The following SGMS1 variants were observed in gnomAD, a reference collection of about 807,000 sequenced individuals.
SGMS1 encodes phosphatidylcholine:ceramide cholinephosphotransferase 1.
In SGMS1, 13 loss-of-function variants were observed where a neutral mutation model predicts 46.2. The ratio of observed to expected loss-of-function variants is 0.28; its 90% CI spans 0.18 to 0.45. The LOEUF is 0.45. Ranked by LOEUF, SGMS1 falls within the 20% of genes least tolerant of loss-of-function variation. The pLI is 1.00. For missense variants in SGMS1, 324 were observed against 519.9 expected, an observed-to-expected ratio of 0.62 and a Z score of 3.66; for synonymous variants, 203 against 187.8, an observed-to-expected ratio of 1.08 and a Z score of -0.66.
At chr10:50,421,782 A>G (rs1849257901) in intron 6 of SGMS1, among the ~76,000 whole-genome samples, 1 of 152,060 alleles carries the variant, frequency 6.6e-6, no homozygotes, top group Admixed American at 6.6e-5. Context: ...GGGTCTAAAA[A>G]TTCTTAACTT....
chr10:50,464,403 C>T (rs1409430168), intron 4 of SGMS1, among the ~76,000 whole-genome samples: 2 of 152,154 alleles, frequency 1.3e-5, no homozygotes, highest in East Asian at 3.9e-4. Context: ...AGGTACTCTC[C>T]CCCAGAGCCT....
At chr10:50,471,098 G>A (rs1837374931) in intron 3 of SGMS1, among the ~76,000 whole-genome samples, 1 of 152,144 alleles carries the variant, frequency 6.6e-6, no homozygotes, top group Non-Finnish European at 1.5e-5. Context: ...CTATGCTCCA[G>A]GCAATGGTGA....
At chr10:50,388,134 T>C (rs1848708987) in intron 6 of SGMS1, among the ~76,000 whole-genome samples, 1 of 152,160 alleles carries the variant, frequency 6.6e-6, no homozygotes, top group Admixed American at 6.5e-5. Flanking sequence ...ACATATTTGG[T>C]AATAAAAACA....
chr10:50,379,495 A>C (rs577175549), intron 6 of SGMS1, among the ~76,000 whole-genome samples: 2 of 152,264 alleles, frequency 1.3e-5, no homozygotes, highest in South Asian at 4.1e-4. Context: ...CTAGAAACAT[A>C]TACATACAGA....
intron 3 of SGMS1, among the ~76,000 whole-genome samples, chr10:50,504,547 T>C (rs1188529032): frequency 1.3e-5 from 2 of 152,126 alleles, no homozygotes; most frequent in African/African-American, 4.8e-5. Context: ...CTCATACAGG[T>C]AGTAAGTGAC....
intron 1 of SGMS1, among the ~76,000 whole-genome samples, chr10:50,606,403 CACA>C (rs1249631346): frequency 1.3e-5 from 2 of 152,066 alleles, no homozygotes; most frequent in Admixed American, 6.6e-5. Flanking sequence ...GAGATGGTTG[CACA>C]ACAATTTGAA....
At chr10:50,395,596 G>A (rs1226401065) in intron 6 of SGMS1, among the ~76,000 whole-genome samples, 3 of 152,166 alleles carry the variant, frequency 2.0e-5, no homozygotes, top group African/African-American at 7.2e-5. Context: ...GAAAGAAAGT[G>A]AGCTGTTATT....
At chr10:50,343,403 A>T in intron 7 of SGMS1, 89 bp downstream of exon 7, 1 of 1,377,308 alleles carries the variant, frequency 7.3e-7, no homozygotes, top group Non-Finnish European at 9.7e-7. Context: ...GATCCCAACA[A>T]GTTGATAAAT....
intron 6 of SGMS1, among the ~76,000 whole-genome samples, chr10:50,430,743 G>A (rs1339383298): frequency 6.6e-6 from 1 of 152,004 alleles, no homozygotes; most frequent in Non-Finnish European, 1.5e-5. Flanking sequence ...TATTTTATAT[G>A]TCTTTTATAA....
chr10:50,552,264 A>G (rs1838155288), intron 2 of SGMS1, among the ~76,000 whole-genome samples: 1 of 152,258 alleles, frequency 6.6e-6, no homozygotes, highest in South Asian at 2.1e-4. Flanking sequence ...TAAGATATTA[A>G]GTAACAAAAA....
At chr10:50,621,261 C>G (rs916609516) in intron 1 of SGMS1, among the ~76,000 whole-genome samples, 2 of 152,088 alleles carry the variant, frequency 1.3e-5, no homozygotes, top group South Asian at 4.1e-4. Flanking sequence ...GTTAACAAAG[C>G]ACACCATTTC....
At chr10:50,356,059 G>A (rs1848142392) in intron 6 of SGMS1, among the ~76,000 whole-genome samples, 1 of 152,232 alleles carries the variant, frequency 6.6e-6, no homozygotes, top group Non-Finnish European at 1.5e-5. Flanking sequence ...TCTGGGAGGT[G>A]TACCCAACAG....
In SGMS1 at chr10:50,320,421, C is replaced by T. The variant is rs1019059354; in HGVS notation, c.741+6784G>A. 3.9e-5 allele frequency among the ~76,000 whole-genome samples: 6 copies of T among 152,180 alleles called. No individual in the cohort carries two copies. In the East Asian group the frequency reaches 1.2e-3, roughly 29 times the overall value. ...ACAACATTTGAATTCGTATCTGGCA[C>T]AAAACAGGTGCATATAATTTGATAC... is the stretch of plus-strand genomic sequence containing the variant. On this transcript the variant is annotated intron_variant, in intron 8 of 10. Transcript: ENST00000361781.
rs67951872 is a variant in SGMS1 at position 50,365,255 on chromosome 10, C to CAAAAAAAAAA, written c.-231-20920_-231-20911dup. ...GCGACGGAGTGAGACTCCATCTCAC[C>CAAAAAAAAAA]AAAAAAAAAAAAAAAAAAAAAAAGC... On this transcript the variant is annotated intron_variant, in intron 6 of 10. Transcript: ENST00000361781. 5.3e-4 allele frequency among the ~76,000 whole-genome samples: 24 copies of CAAAAAAAAAA among 45,022 alleles called. 1 individual carries two copies. The highest frequency in any genetic ancestry group is 1.3e-3 in the East Asian group (2 of 1,594). 29.5% of individuals were successfully genotyped at this position (45,022 alleles called of 152,430 possible). A position where few individuals can be genotyped will look rare whatever the true frequency, so the allele number is the denominator to read the frequency against.
intron 6 of SGMS1, among the ~76,000 whole-genome samples, chr10:50,364,021 G>C (rs892789149): frequency 2.6e-5 from 4 of 151,822 alleles, no homozygotes; most frequent in Non-Finnish European, 5.9e-5. Flanking sequence ...ACCACAAAAA[G>C]GAGAGAGAAT....
intron 2 of SGMS1, among the ~76,000 whole-genome samples, chr10:50,534,678 T>C (rs1044993449): frequency 9.9e-5 from 15 of 152,228 alleles, no homozygotes; most frequent in Non-Finnish European, 1.9e-4. Flanking sequence ...AGTTGAATAG[T>C]ATGCAGCCAT....
At chr10:50,545,775 G>A (rs1358667250) in intron 2 of SGMS1, among the ~76,000 whole-genome samples, 1 of 152,078 alleles carries the variant, frequency 6.6e-6, no homozygotes, top group African/African-American at 2.4e-5. Context: ...CGGTAGAAGA[G>A]TACAGCAGAG....
At position 50,553,453 on chromosome 10, in the gene SGMS1, A is replaced by G. The variant is rs1045523970; in HGVS notation, c.-588-33532T>C. Among the ~76,000 whole-genome samples, 5 of 152,146 alleles carry G rather than the reference A, an allele frequency of 3.3e-5. No individual in the cohort carries two copies. In the East Asian group the frequency reaches 5.8e-4, roughly 18 times the overall value. Reference sequence around the variant, plus strand: ...TCCTGACTTTACAGTAAATAAATGAAAACTCAATAAAAGAAAACTATTATT... The same window carrying G: ...TCCTGACTTTACAGTAAATAAATGAGAACTCAATAAAAGAAAACTATTATT... On this transcript the variant is annotated intron_variant, in intron 2 of 10. Coordinates refer to ENST00000361781, the MANE Select transcript of SGMS1 (RefSeq NM_147156.4).
intron 2 of SGMS1, among the ~76,000 whole-genome samples, chr10:50,541,662 G>C (rs2983357): frequency 6.6e-6 from 1 of 151,966 alleles, no homozygotes; most frequent in Non-Finnish European, 1.5e-5. Flanking sequence ...CAAGATCCTC[G>C]AAAATGGAAT....
Sources: gnomAD v4.1 joint callset for allele counts (sites outside exome capture counted in the v4.1 genomes callset) on GRCh38, gnomAD v4.1.1 for gene constraint, MANE v1.5 for transcripts, NCBI Gene and HGNC (gene_info 2026-07-23, HGNC 2026-07-21) for gene names.